The following PTPRM variants were observed in gnomAD, a reference collection of about 807,000 sequenced individuals.
The protein encoded by PTPRM is receptor-type tyrosine-protein phosphatase mu.
In PTPRM, 47 loss-of-function variants were observed where a neutral mutation model predicts 186.7. That is an observed-to-expected ratio of 0.25 (90% confidence interval 0.20 to 0.32). The LOEUF is 0.32. Ranked by LOEUF, PTPRM falls within the 10% of genes least tolerant of loss-of-function variation. PTPRM has a pLI of 1.00. For synonymous variants in PTPRM, 668 were observed against 674.9 expected (o/e 0.99, Z 0.16); for missense variants, 1,494 against 1,865.0 (o/e 0.80, Z 3.66).
At chr18:7,979,604 A>T (rs139431541) in intron 7 of PTPRM, among the ~76,000 whole-genome samples, 1 of 152,188 alleles carries the variant, frequency 6.6e-6, no homozygotes, top group Non-Finnish European at 1.5e-5. Flanking sequence ...TTTGCATTAC[A>T]TATTTTTTTC....
At chr18:8,209,122 G>A (rs1235209528) in intron 14 of PTPRM, among the ~76,000 whole-genome samples, 2 of 152,182 alleles carry the variant, frequency 1.3e-5, no homozygotes, top group East Asian at 1.9e-4. Context: ...GAAAAAAGGC[G>A]TGACATTGTC....
At chr18:7,628,986 G>A (rs1183706532) in intron 1 of PTPRM, among the ~76,000 whole-genome samples, 1 of 152,214 alleles carries the variant, frequency 6.6e-6, no homozygotes, top group Non-Finnish European at 1.5e-5. Flanking sequence ...CCACTGTGCA[G>A]TCACTTGCTT....
chr18:7,581,305 G>A (rs559866316), intron 1 of PTPRM, among the ~76,000 whole-genome samples: 1 of 152,126 alleles, frequency 6.6e-6, no homozygotes, highest in South Asian at 2.1e-4. Context: ...CAAGCCTAGT[G>A]GAAAGAGAAA....
At chr18:7,987,238 AC>A (rs982198316) in intron 7 of PTPRM, among the ~76,000 whole-genome samples, 18 of 152,138 alleles carry the variant, frequency 1.2e-4, no homozygotes, top group South Asian at 4.1e-4. Flanking sequence ...GTTTATGTAA[AC>A]CCTTGGTCAG....
chr18:7,888,021 A>G, intron 2 of PTPRM, 85 bp from the exon 3 acceptor site: 2 of 1,535,366 alleles, frequency 1.3e-6, no homozygotes, highest in South Asian at 2.2e-5. Context: ...TTGCAGTGCC[A>G]ACCCATGTAA....
chr18:7,637,186 A>C (rs1011067719), intron 1 of PTPRM, among the ~76,000 whole-genome samples: 6 of 151,310 alleles, frequency 4.0e-5, no homozygotes, highest in Non-Finnish European at 7.4e-5. Flanking sequence ...AAAAAAAAAA[A>C]CAGTGTAATT....
chr18:8,222,491 T>C (rs12605453), intron 14 of PTPRM, among the ~76,000 whole-genome samples: 83,886 of 151,958 alleles, frequency 0.55, 23,764 homozygotes, highest in East Asian at 0.77. Flanking sequence ...ATCTCTTTCA[T>C]AAGGAAAGCC....
intron 20 of PTPRM, among the ~76,000 whole-genome samples, chr18:8,299,491 G>A (rs1368387837): frequency 6.6e-6 from 1 of 151,810 alleles, no homozygotes; most frequent in East Asian, 1.9e-4. Context: ...GGAGGCTGAG[G>A]CAAGAGAATT....
At chr18:8,013,022 G>A (rs1458485647) in intron 7 of PTPRM, among the ~76,000 whole-genome samples, 1 of 152,006 alleles carries the variant, frequency 6.6e-6, no homozygotes, top group South Asian at 2.1e-4. Context: ...GTCCTGCAGG[G>A]CTCCTGTCAA....
At chr18:8,261,971 T>G (rs1272265432) in intron 19 of PTPRM, among the ~76,000 whole-genome samples, 1 of 152,168 alleles carries the variant, frequency 6.6e-6, no homozygotes, top group African/African-American at 2.4e-5. Context: ...GAAAGGATAG[T>G]GAACGTGCCC....
rs1008714529 is a variant in PTPRM at position 8,225,966 on chromosome 18, G to T, written c.2301-18092G>T. On this transcript the variant is annotated intron_variant, in intron 14 of 32. Transcript: ENST00000580170. ...ACAATAACAACCCAATAGAAAAAGG[G>T]ATATAATATATAAACAGACAACTAC... Among the ~76,000 whole-genome samples, 21 of 151,994 alleles carry T rather than the reference G, an allele frequency of 1.4e-4. 1 individual carries two copies. Among genetic ancestry groups the T allele is most frequent in the Non-Finnish European group, 5.9e-5 (4 of 68,008 alleles).
At chr18:8,321,481 C>T (rs1463979583) in intron 22 of PTPRM, among the ~76,000 whole-genome samples, 6 of 152,220 alleles carry the variant, frequency 3.9e-5, no homozygotes. Flanking sequence ...AAGTCACTTT[C>T]TGCAGAATTC....
chr18:8,243,755 C>T (rs559234595), intron 14 of PTPRM, among the ~76,000 whole-genome samples: 1 of 152,292 alleles, frequency 6.6e-6, no homozygotes, highest in Non-Finnish European at 1.5e-5. Flanking sequence ...GTACTAGAAT[C>T]ATTGGTCATT....
At chr18:7,726,042 C>T (rs1188006968) in intron 1 of PTPRM, among the ~76,000 whole-genome samples, 1 of 152,152 alleles carries the variant, frequency 6.6e-6, no homozygotes, top group African/African-American at 2.4e-5. Context: ...CGCTCTTGCT[C>T]CTCCCCAAAA....
intron 19 of PTPRM, among the ~76,000 whole-genome samples, chr18:8,281,856 A>G (rs569245880): frequency 6.6e-6 from 1 of 152,248 alleles, no homozygotes; most frequent in African/African-American, 2.4e-5. Flanking sequence ...ATTTCATATC[A>G]AGTTTAAGTT....
At chr18:7,583,195 G>C (rs1227691443) in intron 1 of PTPRM, among the ~76,000 whole-genome samples, 1 of 152,100 alleles carries the variant, frequency 6.6e-6, no homozygotes, top group Non-Finnish European at 1.5e-5. Flanking sequence ...TCATAAATTT[G>C]CTACCATTTC....
intron 2 of PTPRM, among the ~76,000 whole-genome samples, chr18:7,835,189 T>C (rs1457439697): frequency 8.9e-6 from 1 of 111,942 alleles, no homozygotes; most frequent in African/African-American, 6.6e-5. Context: ...GACATTTTTC[T>C]TTTTTTTTTT....
chr18:7,645,264 G>A (rs1458282285), intron 1 of PTPRM, among the ~76,000 whole-genome samples: 1 of 152,078 alleles, frequency 6.6e-6, no homozygotes, highest in Admixed American at 6.5e-5. Flanking sequence ...ATCTCATTTG[G>A]CACTATTTAT....
chr18:7,882,820 T>C (rs2048576197), intron 2 of PTPRM, among the ~76,000 whole-genome samples: 1 of 152,190 alleles, frequency 6.6e-6, no homozygotes, highest in South Asian at 2.1e-4. Context: ...AACACACCAA[T>C]GCAAATTTTA....
Sources: gnomAD v4.1 joint callset for allele counts (sites outside exome capture counted in the v4.1 genomes callset) on GRCh38, gnomAD v4.1.1 for gene constraint, MANE v1.5 for transcripts, NCBI Gene and HGNC (gene_info 2026-07-23, HGNC 2026-07-21) for gene names.